PTPRK: variants seen among roughly 807,000 people sequenced by gnomAD.
PTPRK encodes the protein receptor-type tyrosine-protein phosphatase kappa.
In PTPRK, 75 loss-of-function variants were observed where a neutral mutation model predicts 178.0. The ratio of observed to expected loss-of-function variants is 0.42; its 90% CI spans 0.35 to 0.51. The LOEUF is 0.51. Ranked by LOEUF, PTPRK falls within the 20% of genes least tolerant of loss-of-function variation. The pLI is 0.02. For missense variants in PTPRK, 1,441 were observed against 1,797.8 expected (o/e 0.80, Z 3.59); for synonymous variants, 637 against 620.6 (o/e 1.03, Z -0.39).
chr6:128,111,602 C>CAAAGAGGGACAGA (rs1554299511), intron 7 of PTPRK, among the ~76,000 whole-genome samples: 25 of 150,792 alleles, frequency 1.7e-4, no homozygotes, highest in Non-Finnish European at 2.2e-4. Context: ...TAAAATGTAC[C>CAAAGAGGGACAGA]TATAACTGGG....
chr6:128,144,541 T>G (rs1796212099), intron 7 of PTPRK, among the ~76,000 whole-genome samples: 1 of 152,178 alleles, frequency 6.6e-6, no homozygotes. Flanking sequence ...AGAGGACTGA[T>G]GTTTCTGACC....
rs556874382 is a variant in PTPRK at position 128,221,619 on chromosome 6, T to C, written c.694-2523A>G. Among the ~76,000 whole-genome samples, 3 of 152,130 alleles carry C rather than the reference T, an allele frequency of 2.0e-5. 1 individual carries two copies. In the South Asian group the frequency reaches 6.2e-4, roughly 32 times the overall value. ...TTCTCCATATCTTAAATCATGCATA[T>C]GCATATTATGTAGTAAATACATATA... is the stretch of plus-strand genomic sequence containing the variant. On this transcript the variant is annotated intron_variant, in intron 5 of 29. Coordinates refer to ENST00000368226, the MANE Select transcript of PTPRK (RefSeq NM_002844.4).
chr6:128,387,847 G>C (rs1172419660), intron 2 of PTPRK, among the ~76,000 whole-genome samples: 2 of 152,074 alleles, frequency 1.3e-5, no homozygotes. Context: ...CCTGATGCTA[G>C]GCTGAATAAC....
At chr6:128,300,183 C>T (rs1332328324) in intron 3 of PTPRK, among the ~76,000 whole-genome samples, 1 of 152,090 alleles carries the variant, frequency 6.6e-6, no homozygotes, top group African/African-American at 2.4e-5. Context: ...TACCATCTCA[C>T]ACCAGTTAGA....
chr6:128,389,180 G>A (rs1406263414), intron 2 of PTPRK, among the ~76,000 whole-genome samples: 1 of 151,902 alleles, frequency 6.6e-6, no homozygotes, highest in Non-Finnish European at 1.5e-5. Context: ...TTTCCTCTTT[G>A]GTGAGGGAGT....
Position 128,285,441 on chromosome 6 carries a change from G to A in PTPRK, c.495+36598C>T, listed in dbSNP as rs141821378. ...GAGACAGAAGAATCGCTTGAACCTG[G>A]GAGGTTTAGGTTGCAGTGAGCTGAG... On this transcript the variant is annotated intron_variant, in intron 3 of 29. Coordinates refer to ENST00000368226, the MANE Select transcript of PTPRK (RefSeq NM_002844.4). Among the ~76,000 whole-genome samples, 41 of 151,974 alleles carry A rather than the reference G, an allele frequency of 2.7e-4. No individual in the cohort carries two copies. In the East Asian group the frequency reaches 5.4e-3, roughly 20 times the overall value.
At chr6:128,249,891 G>T (rs893433877) in intron 3 of PTPRK, among the ~76,000 whole-genome samples, 3 of 152,112 alleles carry the variant, frequency 2.0e-5, no homozygotes, top group African/African-American at 7.2e-5. Context: ...GTTTGGCTGC[G>T]CCCCCACCCA....
intron 1 of PTPRK, among the ~76,000 whole-genome samples, chr6:128,411,586 A>G (rs1842314367): frequency 6.6e-6 from 1 of 152,232 alleles, no homozygotes; most frequent in African/African-American, 2.4e-5. Context: ...ATGCAGTTTT[A>G]CAATTATAAT....
chr6:128,343,747 A>T (rs1832009172), intron 2 of PTPRK, among the ~76,000 whole-genome samples: 1 of 152,232 alleles, frequency 6.6e-6, no homozygotes, highest in South Asian at 2.1e-4. Flanking sequence ...ACATTTCATA[A>T]ATTACGTGAA....
intron 7 of PTPRK, among the ~76,000 whole-genome samples, chr6:128,122,343 GAAGAT>G (rs1339606260): frequency 6.6e-6 from 1 of 152,068 alleles, no homozygotes; most frequent in Non-Finnish European, 1.5e-5. Context: ...ATTTAATAGA[GAAGAT>G]AAGAGTATAT....
chr6:128,335,353 G>A (rs1830772770), intron 2 of PTPRK, among the ~76,000 whole-genome samples: 1 of 150,450 alleles, frequency 6.6e-6, no homozygotes, highest in Non-Finnish European at 1.5e-5. Flanking sequence ...TATCACCTAA[G>A]CCAAAAATCG....
At chr6:128,183,419 C>A (rs1355699968) in intron 7 of PTPRK, among the ~76,000 whole-genome samples, 1 of 152,124 alleles carries the variant, frequency 6.6e-6, no homozygotes, top group African/African-American at 2.4e-5. Flanking sequence ...CAGCAATCAG[C>A]AAATTATTGG....
intron 3 of PTPRK, among the ~76,000 whole-genome samples, chr6:128,316,445 G>T (rs1364043919): frequency 6.6e-6 from 1 of 152,034 alleles, no homozygotes; most frequent in Non-Finnish European, 1.5e-5. Flanking sequence ...ACAATGAAGG[G>T]TACTGTGGCA....
intron 13 of PTPRK, among the ~76,000 whole-genome samples, chr6:128,023,102 G>A (rs965996890): frequency 6.6e-6 from 1 of 152,106 alleles, no homozygotes; most frequent in African/African-American, 2.4e-5. Flanking sequence ...AAGAAAAATG[G>A]GGCAAAAGAA....
At chr6:128,409,629 T>C (rs1210164060) in intron 1 of PTPRK, among the ~76,000 whole-genome samples, 1 of 152,206 alleles carries the variant, frequency 6.6e-6, no homozygotes, top group Admixed American at 6.5e-5. Context: ...CTTGTAAAGT[T>C]ACATGTTGAT....
At chr6:128,165,003 A>C (rs1349968767) in intron 7 of PTPRK, among the ~76,000 whole-genome samples, 1 of 151,308 alleles carries the variant, frequency 6.6e-6, no homozygotes, top group African/African-American at 2.4e-5. Context: ...CAAACATAAC[A>C]GTCCTTCATA....
intron 29 of PTPRK, among the ~76,000 whole-genome samples, chr6:127,972,490 G>C (rs148060236): frequency 1.3e-5 from 2 of 152,238 alleles, no homozygotes; most frequent in African/African-American, 2.4e-5. Context: ...CTGACTTTAC[G>C]AGCCTTGACA....
At chr6:128,270,864 A>C (rs138569799) in intron 3 of PTPRK, among the ~76,000 whole-genome samples, 1 of 152,240 alleles carries the variant, frequency 6.6e-6, no homozygotes, top group African/African-American at 2.4e-5. Flanking sequence ...TCAGTGTACC[A>C]ATCAGGCATT....
chr6:128,199,025 T>C (rs1296368979), intron 6 of PTPRK, among the ~76,000 whole-genome samples: 3 of 152,194 alleles, frequency 2.0e-5, no homozygotes, highest in African/African-American at 7.2e-5. Flanking sequence ...AGGTGGAGTA[T>C]AAATTATATG....
Sources: gnomAD v4.1 joint callset for allele counts (sites outside exome capture counted in the v4.1 genomes callset) on GRCh38, gnomAD v4.1.1 for gene constraint, MANE v1.5 for transcripts, NCBI Gene and HGNC (gene_info 2026-07-23, HGNC 2026-07-21) for gene names.